The following PTPRN2 variants were observed in gnomAD, a reference collection of about 807,000 sequenced individuals.
PTPRN2 encodes the protein protein tyrosine phosphatase receptor type N2.
A neutral mutation model predicts 118.8 loss-of-function variants in PTPRN2; 74 were observed. The observed-to-expected ratio is 0.62, with a 90% CI of 0.52 to 0.76. PTPRN2 has a LOEUF of 0.76. Ranked by LOEUF, PTPRN2 falls within the 30% of genes least tolerant of loss-of-function variation. The pLI is 0.00. For missense variants in PTPRN2, 1,481 were observed against 1,394.4 expected, an observed-to-expected ratio of 1.06 and a Z score of -0.99; for synonymous variants, 641 against 608.0, an observed-to-expected ratio of 1.05 and a Z score of -0.80.
intron 12 of PTPRN2, among the ~76,000 whole-genome samples, chr7:157,816,139 A>G (rs1448548977): frequency 2.6e-5 from 4 of 152,192 alleles, no homozygotes; most frequent in Non-Finnish European, 5.9e-5. Context: ...GAGAAGACAC[A>G]GAATTCCATG....
At position 157,610,706 on chromosome 7, in the gene PTPRN2, T is replaced by G. The variant is rs1802278678; in HGVS notation, c.2345-6631A>C. Reference sequence around the variant, plus strand: ...CGTTTGTTTCAATACTCTGAGAAGCTACATGGGCTTGATTCTTTGCAGACC... The same window carrying G: ...CGTTTGTTTCAATACTCTGAGAAGCGACATGGGCTTGATTCTTTGCAGACC... On this transcript the variant is annotated intron_variant, in intron 15 of 22. Coordinates refer to ENST00000389418, the MANE Select transcript of PTPRN2 (RefSeq NM_002847.5). The surrounding 1 kb of genome is among the most constrained non-coding windows in gnomAD (Gnocchi z 5.1). Among the ~76,000 whole-genome samples, 1 of 152,208 alleles carries G rather than the reference T, an allele frequency of 6.6e-6. No individual in the cohort carries two copies.
rs540063356 is a variant in PTPRN2, at chr7:157,955,433, G to A, written c.1724-56696C>T. Reference sequence around the variant, plus strand: ...GAGCTATTTCTAGGTCTCATCAGCAGCCAGGGGAGGGCTTACCAGTAATTT... The same window carrying A: ...GAGCTATTTCTAGGTCTCATCAGCAACCAGGGGAGGGCTTACCAGTAATTT... On this transcript the variant is annotated intron_variant, in intron 11 of 22. Coordinates refer to ENST00000389418, the MANE Select transcript of PTPRN2 (RefSeq NM_002847.5). Among the ~76,000 whole-genome samples the A allele has an allele frequency of 2.6e-5, 4 of 152,182 alleles. No homozygotes were observed. In the South Asian group the frequency reaches 8.3e-4, roughly 32 times the overall value.
chr7:158,450,178 G>A (rs1033081712), intron 2 of PTPRN2, among the ~76,000 whole-genome samples: 4 of 152,188 alleles, frequency 2.6e-5, no homozygotes, highest in Admixed American at 1.3e-4. Flanking sequence ...CCCAATCACC[G>A]CCCAAAGGCC....
At position 158,465,367 on chromosome 7, in the gene PTPRN2, C is replaced by T. The variant is rs73729628; in HGVS notation, c.163+24368G>A. On this transcript the variant is annotated intron_variant, in intron 2 of 22. Transcript: ENST00000389418. Reference sequence around the variant, plus strand: ...CTTGGTTCTTCATTCATACCACACCCCTTACTCCCTTACTGTATCTCCTGT... The same window carrying T: ...CTTGGTTCTTCATTCATACCACACCTCTTACTCCCTTACTGTATCTCCTGT... Among the ~76,000 whole-genome samples the T allele has an allele frequency of 5.0e-3, 763 of 152,268 alleles. 7 individuals are homozygous for T. Among genetic ancestry groups the T allele is most frequent in the African/African-American group, 0.017 (726 of 41,546 alleles).
chr7:157,718,462 C>T (rs1799042923), intron 12 of PTPRN2, among the ~76,000 whole-genome samples: 1 of 152,212 alleles, frequency 6.6e-6, no homozygotes. Context: ...GAGCGCCTTC[C>T]TCCTCCCAAC....
chr7:158,128,993 ACAC>A lies in PTPRN2; in HGVS notation c.1556+4681_1556+4683del, dbSNP rs554683631. ...ATACCCCACACCACACCTACAACAC[ACAC>A]CACACCATGCAACACACTATGTGCC... is the stretch of plus-strand genomic sequence containing the variant. On this transcript the variant is annotated intron_variant, in intron 9 of 22. Coordinates refer to ENST00000389418, the MANE Select transcript of PTPRN2 (RefSeq NM_002847.5). Among the ~76,000 whole-genome samples, 217 of 151,924 alleles carry A rather than the reference ACAC, an allele frequency of 1.4e-3. 2 individuals are homozygous for A. The highest frequency in any genetic ancestry group is 4.4e-3 in the African/African-American group (184 of 41,420).
At chr7:157,673,662 C>A (rs1476381995) in intron 13 of PTPRN2, among the ~76,000 whole-genome samples, 1 of 152,038 alleles carries the variant, frequency 6.6e-6, no homozygotes, top group Non-Finnish European at 1.5e-5. Flanking sequence ...TCTGTCCTGG[C>A]CCCTCTCTCT....
intron 6 of PTPRN2, among the ~76,000 whole-genome samples, chr7:158,154,969 T>C (rs1428144366): frequency 1.3e-5 from 2 of 152,104 alleles, no homozygotes; most frequent in Non-Finnish European, 2.9e-5. Flanking sequence ...TGAGCCCTGG[T>C]GGGTTGAAGA....
Position 157,679,239 on chromosome 7 carries a change from G to A in PTPRN2, c.2001+3486C>T, listed in dbSNP as rs565714052. Among the ~76,000 whole-genome samples the A allele has an allele frequency of 4.6e-5, 7 of 152,200 alleles. No homozygotes were observed. In the South Asian group the frequency reaches 1.2e-3, roughly 27 times the overall value. ...TATATCATGTTTTATCTATTTAGAA[G>A]AAAAAACAACATTTACTAAAACAAT... On this transcript the variant is annotated intron_variant, in intron 13 of 22. Transcript: ENST00000389418.
chr7:158,378,341 C>T (rs1250889468), intron 2 of PTPRN2, among the ~76,000 whole-genome samples: 1 of 152,180 alleles, frequency 6.6e-6, no homozygotes, highest in Non-Finnish European at 1.5e-5. Context: ...CAGAGGCTTC[C>T]CCAGGCACCT....
intron 11 of PTPRN2, among the ~76,000 whole-genome samples, chr7:158,009,257 C>T (rs115626416): frequency 6.6e-6 from 1 of 152,100 alleles, no homozygotes; most frequent in Non-Finnish European, 1.5e-5. Flanking sequence ...TCTGCTTCCA[C>T]CCAATTCAAA....
In PTPRN2 at chr7:157,767,981, T is replaced by TACA. The variant is rs1802584485; in HGVS notation, c.1789-85045_1789-85044insTGT. ...ATGGGACGCTTCCATACACGATTCC[T>TACA]GCTTATTGCTGACACCGAGCGGTAA... On this transcript the variant is annotated intron_variant, in intron 12 of 22. Coordinates refer to ENST00000389418, the MANE Select transcript of PTPRN2 (RefSeq NM_002847.5). Among the ~76,000 whole-genome samples, 9 of 152,360 alleles carry TACA rather than the reference T, an allele frequency of 5.9e-5. No homozygotes were observed. In the South Asian group the frequency reaches 1.7e-3, roughly 28 times the overall value.
chr7:157,914,603 T>G (rs188206861), intron 11 of PTPRN2, among the ~76,000 whole-genome samples: 23 of 147,238 alleles, frequency 1.6e-4, no homozygotes, highest in Non-Finnish European at 2.6e-4. Context: ...GTAGCTACCT[T>G]TTTTTTTTTT....
intron 12 of PTPRN2, among the ~76,000 whole-genome samples, chr7:157,792,020 C>G (rs966725255): frequency 6.6e-6 from 1 of 152,236 alleles, no homozygotes; most frequent in South Asian, 2.1e-4. Context: ...CCCCTTTGCC[C>G]GGAGAGCCTG....
intron 2 of PTPRN2, among the ~76,000 whole-genome samples, chr7:158,336,606 C>T (rs1239319166): frequency 6.8e-6 from 1 of 147,486 alleles, no homozygotes; most frequent in African/African-American, 2.5e-5. Context: ...CACCCACACT[C>T]TCACCATAAT....
intron 3 of PTPRN2, among the ~76,000 whole-genome samples, chr7:158,278,701 GT>G (rs1215714638): frequency 6.6e-6 from 1 of 152,216 alleles, no homozygotes; most frequent in Non-Finnish European, 1.5e-5. Flanking sequence ...TGTGTCCAGA[GT>G]TTGTTCCTTC....
At chr7:157,548,081 T>C (rs1191411951) in intron 22 of PTPRN2, among the ~76,000 whole-genome samples, 1 of 152,188 alleles carries the variant, frequency 6.6e-6, no homozygotes, top group Admixed American at 6.5e-5. Flanking sequence ...GGTGGATTAT[T>C]TCTGCATTTT....
In PTPRN2 at chr7:157,887,540, C is replaced by T. The variant is rs1251184164; in HGVS notation, c.1788+11133G>A. Among the ~76,000 whole-genome samples, 12 of 71,126 alleles carry T rather than the reference C, an allele frequency of 1.7e-4. 1 individual carries two copies. Among genetic ancestry groups the T allele is most frequent in the African/African-American group, 6.2e-4 (12 of 19,260 alleles). The allele number at this position is 71,126 out of a possible 152,430, so 46.7% of individuals were successfully genotyped here. A position where few individuals can be genotyped will look rare whatever the true frequency, so the allele number is the denominator to read the frequency against. ...CCCAGTACCCGCTTCCCCCAGTACCCGCTCCCCCAGTACCTGCTCCCAGTA... is the reference window on the plus strand; with the variant it reads ...CCCAGTACCCGCTTCCCCCAGTACCTGCTCCCCCAGTACCTGCTCCCAGTA... On this transcript the variant is annotated intron_variant, in intron 12 of 22. Transcript: ENST00000389418.
intron 14 of PTPRN2, among the ~76,000 whole-genome samples, chr7:157,652,727 A>T (rs545748001): frequency 2.7e-4 from 41 of 152,290 alleles, no homozygotes; most frequent in African/African-American, 9.6e-4. Flanking sequence ...GTGGCTGCAC[A>T]GCCCCATGGA....
Sources: gnomAD v4.1 joint callset for allele counts (sites outside exome capture counted in the v4.1 genomes callset) on GRCh38, gnomAD v4.1.1 for gene constraint, Gnocchi (gnomAD v3.1) non-coding constraint, MANE v1.5 for transcripts, NCBI Gene and HGNC (gene_info 2026-07-23, HGNC 2026-07-21) for gene names.